B3GALT2: variants seen among roughly 807,000 people sequenced by gnomAD.
B3GALT2 encodes UDP-Gal:betaGlcNAc beta 1,3-galactosyltransferase, polypeptide 2.
Under a neutral mutation model 33.5 loss-of-function variants are expected in B3GALT2, and 13 were observed. The observed-to-expected ratio is 0.39, with a 90% CI of 0.25 to 0.62. The LOEUF is 0.62. Ranked by LOEUF, B3GALT2 falls within the 20% of genes least tolerant of loss-of-function variation. The pLI, the probability that B3GALT2 is intolerant of heterozygous loss-of-function variation, is 0.53. For missense variants in B3GALT2, 418 were observed against 509.1 expected (o/e 0.82, Z 1.72); for synonymous variants, 195 against 172.7 (o/e 1.13, Z -1.01).
intron 1 of B3GALT2, 88 bp downstream of exon 1, chr1:193,185,931 A>C (rs1676798900): frequency 1.3e-5 from 2 of 152,216 alleles, no homozygotes; most frequent in Admixed American, 6.5e-5. Flanking sequence ...AGTGAGCTGT[A>C]TGAACTTGCT....
chr1:193,184,593 G>GAC (rs1558302862), intron 1 of B3GALT2, among the ~76,000 whole-genome samples: 1 of 151,854 alleles, frequency 6.6e-6, no homozygotes, highest in Non-Finnish European at 1.5e-5. Flanking sequence ...GCTTTTAAAA[G>GAC]TGTTGATCTC....
At position 193,180,460 on chromosome 1, in the gene B3GALT2, C is replaced by T. The variant is rs1368778025; in HGVS notation, c.1103G>A (p.Arg368Gln). 2.5e-6 allele frequency: 4 copies of T among 1,613,824 alleles called. No homozygotes were observed. Among genetic ancestry groups the T allele is most frequent in the African/African-American group, 2.7e-5 (2 of 74,888 alleles). ...PPNEFVFNHW[R>Q]VSYSSCKYSH... is the part of the protein sequence containing the mutation. ...GTATTTACAGCTCGAATAAGAGACT[C>T]GCCAGTGATTGAACACAAACTCATT... The change falls in exon 2 of 2, where the codon CGA (arginine) becomes CAA (glutamine). Residue 368 changes from arginine (R) to glutamine (Q), a missense_variant. Transcript: ENST00000367434.
At chr1:193,184,655 A>G (rs1343047884) in intron 1 of B3GALT2, among the ~76,000 whole-genome samples, 1 of 151,864 alleles carries the variant, frequency 6.6e-6, no homozygotes, top group East Asian at 1.9e-4. Flanking sequence ...TTGTTTTGAG[A>G]TGTATAGCTT....
At chr1:193,183,956 GA>G (rs1388468946) in intron 1 of B3GALT2, among the ~76,000 whole-genome samples, 2 of 151,674 alleles carry the variant, frequency 1.3e-5, no homozygotes, top group African/African-American at 4.8e-5. Context: ...ATAAATGATG[GA>G]AAATAATCAT....
chr1:193,179,359 G>C lies in B3GALT2; in HGVS notation c.*935C>G, dbSNP rs1474724897. ...TCTTAAAAATGTGTTGAATGAAACT[G>C]CACCTGCACTCTTTATCTTTTTCAA... On this transcript the variant is annotated 3_prime_UTR_variant, in exon 2 of 2. Transcript: ENST00000367434. The C allele has an allele frequency of 6.6e-6, 1 of 152,360 alleles. No homozygotes were observed. Among genetic ancestry groups the C allele is most frequent in the African/African-American group, 2.4e-5 (1 of 41,450 alleles). 9.4% of individuals were successfully genotyped at this position (152,360 alleles called of 1,614,324 possible). A position where few individuals can be genotyped will look rare whatever the true frequency, so the allele number is the denominator to read the frequency against.
Position 193,181,244 on chromosome 1 carries a change from G to C in B3GALT2, c.319C>G (p.Gln107Glu). ...TNSNNTDLSPQGVTGLENTLS... is the reference protein window; with the variant it reads ...TNSNNTDLSPEGVTGLENTLS... ...GTATTCTCCAGGCCTGTAACTCCTT[G>C]TGGTGACAGGTCTGTGTTATTAGAG... is the stretch of plus-strand genomic sequence containing the variant. The change falls in exon 2 of 2, where the codon CAA becomes GAA. Residue 107 changes from glutamine to glutamate, a missense_variant. Physicochemically the swap from Gln to Glu is conservative, Grantham distance 29 (BLOSUM62 2). Around this residue, in one of 3 missense-constraint regions of B3GALT2, gnomAD observed 188 missense variants for 197.5 expected, o/e 0.95. Coordinates refer to ENST00000367434, the MANE Select transcript of B3GALT2 (RefSeq NM_003783.3). 6.2e-7 allele frequency: 1 copy of C among 1,614,032 alleles called. No individual in the cohort carries two copies. The highest frequency in any genetic ancestry group is 2.2e-5 in the East Asian group (1 of 44,878).
chr1:193,178,933 C>T lies in B3GALT2; in HGVS notation c.*1361G>A, dbSNP rs758722148. ...GACTAAATTAAGATTGACAGATTTA[C>T]ATACTTGTATGGAATAAAAACACTA... On this transcript the variant is annotated 3_prime_UTR_variant, in exon 2 of 2. Transcript: ENST00000367434. 6 of 152,122 alleles carry T rather than the reference C, an allele frequency of 3.9e-5. No individual in the cohort carries two copies. Among genetic ancestry groups the T allele is most frequent in the Non-Finnish European group, 8.8e-5 (6 of 67,986 alleles). 9.4% of individuals were successfully genotyped at this position (152,122 alleles called of 1,614,324 possible). A position where few individuals can be genotyped will look rare whatever the true frequency, so the allele number is the denominator to read the frequency against.
chr1:193,178,928 A>G lies in B3GALT2; in HGVS notation c.*1366T>C, dbSNP rs1676659638. 1 of 152,196 alleles carries G rather than the reference A, an allele frequency of 6.6e-6. No individual in the cohort carries two copies. The highest frequency in any genetic ancestry group is 2.4e-5 in the African/African-American group (1 of 41,462). The allele number at this position is 152,196 out of a possible 1,614,324, so 9.4% of individuals were successfully genotyped here. A position where few individuals can be genotyped will look rare whatever the true frequency, so the allele number is the denominator to read the frequency against. ...ATTCTGACTAAATTAAGATTGACAGATTTACATACTTGTATGGAATAAAAA... is the reference window on the plus strand; with the variant it reads ...ATTCTGACTAAATTAAGATTGACAGGTTTACATACTTGTATGGAATAAAAA... On this transcript the variant is annotated 3_prime_UTR_variant, in exon 2 of 2. Transcript: ENST00000367434.
At position 193,181,691 on chromosome 1, in the gene B3GALT2, A is replaced by T. The variant is rs1017151064; in HGVS notation, c.-120-9T>A. ...TCTCTCTTGTAGTCATTCTATAAAA[A>T]TGAAGCACAAAAGTTTACAGAACTG... is the stretch of plus-strand genomic sequence containing the variant. On this transcript the variant is annotated splice_polypyrimidine_tract_variant and intron_variant, in intron 1 of 1. Transcript: ENST00000367434. 1.1e-6 allele frequency: 1 copy of T among 920,974 alleles called. No individual in the cohort carries two copies. The highest frequency in any genetic ancestry group is 1.7e-5 in the African/African-American group (1 of 59,076). 57.1% of individuals were successfully genotyped at this position (920,974 alleles called of 1,614,324 possible).
rs892773447 is a variant in B3GALT2 at position 193,178,976 on chromosome 1, G to A, written c.*1318C>T. On this transcript the variant is annotated 3_prime_UTR_variant, in exon 2 of 2. Coordinates refer to ENST00000367434, the MANE Select transcript of B3GALT2 (RefSeq NM_003783.3). ...AAACACTATTTTAGTTAGTAGGTTG[G>A]TATTTCTTGATTTTAAAATTCATGA... 6.6e-6 allele frequency: 1 copy of A among 152,240 alleles called. No individual in the cohort carries two copies. The highest frequency in any genetic ancestry group is 1.9e-4 in the East Asian group (1 of 5,186). 9.4% of individuals were successfully genotyped at this position (152,240 alleles called of 1,614,324 possible).
intron 1 of B3GALT2, 52 bp from the exon 2 acceptor site, chr1:193,181,734 G>A (rs998841468): frequency 1.7e-6 from 1 of 594,882 alleles, no homozygotes; most frequent in Non-Finnish European, 2.9e-6. Context: ...GGGACTTTGG[G>A]TACTAATATG....
Position 193,180,045 on chromosome 1 carries a change from T to C in B3GALT2, c.*249A>G. ...ACTTGAACCATTGATTTATGCATGC[T>C]TGTTATTGCATGTTAATACACAGAA... On this transcript the variant is annotated 3_prime_UTR_variant, in exon 2 of 2. Coordinates refer to ENST00000367434, the MANE Select transcript of B3GALT2 (RefSeq NM_003783.3). The C allele has an allele frequency of 3.3e-6, 1 of 301,634 alleles. No individual in the cohort carries two copies. The highest frequency in any genetic ancestry group is 6.0e-6 in the Non-Finnish European group (1 of 166,626). 18.7% of individuals were successfully genotyped at this position (301,634 alleles called of 1,614,324 possible). A position where few individuals can be genotyped will look rare whatever the true frequency, so the allele number is the denominator to read the frequency against.
In B3GALT2 at chr1:193,185,045, C is replaced by T. The variant is rs547040583; in HGVS notation, c.-121+974G>A. Among the ~76,000 whole-genome samples, 3 of 152,024 alleles carry T rather than the reference C, an allele frequency of 2.0e-5. No homozygotes were observed. In the East Asian group the frequency reaches 5.8e-4, roughly 29 times the overall value. On this transcript the variant is annotated intron_variant, in intron 1 of 1. Transcript: ENST00000367434. ...AATAGTTTATTTGGTTTATCTGTGC[C>T]CTGCACACACATATAGTGGCGGTAG...
rs1676668933 is a variant in B3GALT2 at position 193,179,269 on chromosome 1, T to G, written c.*1025A>C. The G allele has an allele frequency of 6.6e-6, 1 of 152,206 alleles. No individual in the cohort carries two copies. The highest frequency in any genetic ancestry group is 1.5e-5 in the Non-Finnish European group (1 of 68,020). The allele number at this position is 152,206 out of a possible 1,614,324, so 9.4% of individuals were successfully genotyped here. A position where few individuals can be genotyped will look rare whatever the true frequency, so the allele number is the denominator to read the frequency against. On this transcript the variant is annotated 3_prime_UTR_variant, in exon 2 of 2. Coordinates refer to ENST00000367434, the MANE Select transcript of B3GALT2 (RefSeq NM_003783.3). ...ATAGGTGCCATAAAATGATTAAGTG[T>G]TGGCATGTGTACACCTGCTGTCAGG...
In B3GALT2 at chr1:193,180,181, T is replaced by G. The variant is rs1177128660; in HGVS notation, c.*113A>C. 9.0e-6 allele frequency: 8 copies of G among 888,358 alleles called. No homozygotes were observed. 55.0% of individuals were successfully genotyped at this position (888,358 alleles called of 1,614,324 possible). On this transcript the variant is annotated 3_prime_UTR_variant, in exon 2 of 2. Transcript: ENST00000367434. ...GAAATTAAAAAAATACTTCTTGAAT[T>G]TCTTTATGTGATGAGTTTTAACTAA...
In B3GALT2 at chr1:193,181,496, A is replaced by G. The variant is rs1343323936; in HGVS notation, c.67T>C (p.Phe23Leu). The G allele has an allele frequency of 6.2e-7, 1 of 1,612,286 alleles. No individual in the cohort carries two copies. Among genetic ancestry groups the G allele is most frequent in the Non-Finnish European group, 8.5e-7 (1 of 1,179,456 alleles). Residue 23 changes from phenylalanine (F) to leucine (L), a missense_variant, in exon 2 of 2, where the codon TTC (phenylalanine) becomes CTC (leucine). Coordinates refer to ENST00000367434, the MANE Select transcript of B3GALT2 (RefSeq NM_003783.3). ...KMTWNAKRSL[F>L]RTHLIGVLSL... is the part of the protein sequence containing the mutation. The stretch of plus-strand genomic sequence containing the variant: ...AGTACTCCAATAAGATGAGTGCGGA[A>G]CAGAGACCTTTTGGCATTCCAGGTC...
chr1:193,180,188 T>C lies in B3GALT2; in HGVS notation c.*106A>G. On this transcript the variant is annotated 3_prime_UTR_variant, in exon 2 of 2. Coordinates refer to ENST00000367434, the MANE Select transcript of B3GALT2 (RefSeq NM_003783.3). ...AAAAAATACTTCTTGAATTTCTTTATGTGATGAGTTTTAACTAAAACTTGT... is the reference window on the plus strand; with the variant it reads ...AAAAAATACTTCTTGAATTTCTTTACGTGATGAGTTTTAACTAAAACTTGT... The C allele has an allele frequency of 1.1e-6, 1 of 931,110 alleles. No individual in the cohort carries two copies. Among genetic ancestry groups the C allele is most frequent in the Non-Finnish European group, 1.5e-6 (1 of 659,346 alleles). The allele number at this position is 931,110 out of a possible 1,614,324, so 57.7% of individuals were successfully genotyped here. A position where few individuals can be genotyped will look rare whatever the true frequency, so the allele number is the denominator to read the frequency against.
intron 1 of B3GALT2, among the ~76,000 whole-genome samples, chr1:193,185,555 A>C (rs1676792403): frequency 6.6e-6 from 1 of 152,016 alleles, no homozygotes; most frequent in African/African-American, 2.4e-5. Context: ...TTGTTTTAAA[A>C]GGACTTTGAA....
At position 193,180,353 on chromosome 1, in the gene B3GALT2, C is replaced by G; in HGVS notation, c.1210G>C (p.Ala404Pro). Residue 404 changes from alanine to proline, a missense_variant, in exon 2 of 2, where the codon GCC (alanine) becomes CCC (proline). Physicochemically the swap from Ala to Pro is conservative, Grantham distance 27 (BLOSUM62 -1). Coordinates refer to ENST00000367434, the MANE Select transcript of B3GALT2 (RefSeq NM_003783.3). Reference sequence around the variant, plus strand: ...TTTTCTTTTGCTGCGTTGGCACAGGCATTGTGCTTATTTTGTTGTAAATGG... The same window carrying G: ...TTTTCTTTTGCTGCGTTGGCACAGGGATTGTGCTTATTTTGTTGTAAATGG... ...WNHLQQNKHN[A>P]CANAAKEKAG... is the part of the protein sequence containing the mutation. 1 of 1,610,792 alleles carries G rather than the reference C, an allele frequency of 6.2e-7. No individual in the cohort carries two copies. Among genetic ancestry groups the G allele is most frequent in the South Asian group, 1.1e-5 (1 of 90,616 alleles).
Sources: gnomAD v4.1 joint callset for allele counts (sites outside exome capture counted in the v4.1 genomes callset) on GRCh38, gnomAD v4.1.1 for gene constraint, gnomAD v4.1.1 regional missense constraint, MANE v1.5 for transcripts, NCBI Gene and HGNC (gene_info 2026-07-23, HGNC 2026-07-21) for gene names.